Variants in CSRNP3 observed in about 807,000 individuals in gnomAD.
The protein encoded by CSRNP3 is cysteine and serine rich nuclear protein 3.
A neutral mutation model predicts 48.0 loss-of-function variants in CSRNP3; 12 were observed. That is an observed-to-expected ratio of 0.25 (90% CI 0.16 to 0.41). The LOEUF is 0.41. Ranked by LOEUF, CSRNP3 falls within the 10% of genes least tolerant of loss-of-function variation. The pLI, the probability that CSRNP3 is intolerant of heterozygous loss-of-function variation, is 1.00. For synonymous variants in CSRNP3, 263 were observed against 269.7 expected (o/e 0.98, Z 0.24); for missense variants, 580 against 724.4 (o/e 0.80, Z 2.29).
In CSRNP3 at chr2:165,479,490, T is replaced by C. The variant is rs140398657; in HGVS notation, c.-283+9750T>C. Among the ~76,000 whole-genome samples the C allele has an allele frequency of 1.6e-3, 238 of 152,338 alleles. 3 individuals are homozygous for C. Among genetic ancestry groups the C allele is most frequent in the African/African-American group, 5.4e-3 (226 of 41,578 alleles). ...AAATGGTATTATTAATAATAATGCC[T>C]ATCTTATATGGCTATGGAGATTAAA... On this transcript the variant is annotated intron_variant, in intron 1 of 6. Transcript: ENST00000651982.
intron 2 of CSRNP3, among the ~76,000 whole-genome samples, chr2:165,498,188 A>C (rs1468091786): frequency 6.6e-6 from 1 of 152,102 alleles, no homozygotes; most frequent in East Asian, 1.9e-4. Flanking sequence ...ATTTACATGA[A>C]GGAAATCGGT....
rs532893845 is a variant in CSRNP3, at chr2:165,504,105, T to G, written c.-113+9177T>G. Reference sequence around the variant, plus strand: ...TAATTTATTTAATTTCACATGAGTATCTAATTAATCTGGCAATGTATGTGC... The same window carrying G: ...TAATTTATTTAATTTCACATGAGTAGCTAATTAATCTGGCAATGTATGTGC... On this transcript the variant is annotated intron_variant, in intron 2 of 6. Transcript: ENST00000651982. Among the ~76,000 whole-genome samples the G allele has an allele frequency of 2.0e-5, 3 of 152,180 alleles. No homozygotes were observed. In the South Asian group the frequency reaches 6.2e-4, roughly 32 times the overall value.
At chr2:165,477,204 A>C (rs1239713176) in intron 1 of CSRNP3, among the ~76,000 whole-genome samples, 1 of 152,030 alleles carries the variant, frequency 6.6e-6, no homozygotes, top group African/African-American at 2.4e-5. Context: ...GATTTCATAA[A>C]AAATATTCTA....
chr2:165,651,889 C>A (rs1430099637), intron 4 of CSRNP3, among the ~76,000 whole-genome samples: 4 of 152,118 alleles, frequency 2.6e-5, no homozygotes, highest in Non-Finnish European at 5.9e-5. Context: ...CTCCCAACCT[C>A]AGGTGATCCG....
chr2:165,686,475 A>T lies in CSRNP3; in HGVS notation c.*6722A>T, dbSNP rs1169733599. 1 of 151,902 alleles carries T rather than the reference A, an allele frequency of 6.6e-6. No individual in the cohort carries two copies. Among genetic ancestry groups the T allele is most frequent in the East Asian group, 1.9e-4 (1 of 5,180 alleles). 9.4% of individuals were successfully genotyped at this position (151,902 alleles called of 1,614,324 possible). A position where few individuals can be genotyped will look rare whatever the true frequency, so the allele number is the denominator to read the frequency against. ...CTCTTTAAAACAAATTTAAAGATCT[A>T]TATACATTTTTGCAACTTTATTTAA... On this transcript the variant is annotated 3_prime_UTR_variant, in exon 7 of 7. Coordinates refer to ENST00000651982, the MANE Select transcript of CSRNP3 (RefSeq NM_001172173.2).
At chr2:165,611,827 C>A (rs1232500438) in intron 4 of CSRNP3, among the ~76,000 whole-genome samples, 1 of 152,110 alleles carries the variant, frequency 6.6e-6, no homozygotes, top group Admixed American at 6.5e-5. Context: ...TAATGCCTGT[C>A]TGTAGACGCT....
chr2:165,670,120 C>G (rs906631838), intron 5 of CSRNP3, among the ~76,000 whole-genome samples: 1 of 152,178 alleles, frequency 6.6e-6, no homozygotes, highest in Non-Finnish European at 1.5e-5. Flanking sequence ...GTATCATGCT[C>G]TGTCCTATCT....
chr2:165,644,829 C>T (rs1342198920), intron 4 of CSRNP3, among the ~76,000 whole-genome samples: 1 of 152,106 alleles, frequency 6.6e-6, no homozygotes. Flanking sequence ...TTGACTTAGT[C>T]CATTTTGGCT....
chr2:165,605,076 C>T (rs1239924177), intron 4 of CSRNP3, among the ~76,000 whole-genome samples: 8 of 152,302 alleles, frequency 5.3e-5, no homozygotes, highest in Non-Finnish European at 8.8e-5. Flanking sequence ...GCCTTCCAGA[C>T]GCCCTCTCTG....
chr2:165,534,864 T>C (rs977233661), intron 3 of CSRNP3, among the ~76,000 whole-genome samples: 3 of 151,774 alleles, frequency 2.0e-5, no homozygotes, highest in African/African-American at 7.2e-5. Context: ...GATGGGATTA[T>C]AGTGGGTTTC....
intron 3 of CSRNP3, among the ~76,000 whole-genome samples, chr2:165,524,312 C>G (rs1051866188): frequency 1.3e-5 from 2 of 151,890 alleles, no homozygotes; most frequent in African/African-American, 4.8e-5. Flanking sequence ...CTGTGCATTA[C>G]ACAATATTAA....
chr2:165,577,998 A>G (rs1364051139), intron 3 of CSRNP3, among the ~76,000 whole-genome samples: 1 of 152,090 alleles, frequency 6.6e-6, no homozygotes, highest in Non-Finnish European at 1.5e-5. Context: ...AAATAAATGA[A>G]AATTTTCTTT....
intron 5 of CSRNP3, among the ~76,000 whole-genome samples, chr2:165,659,068 GC>G (rs1687055958): frequency 6.6e-6 from 1 of 152,174 alleles, no homozygotes; most frequent in African/African-American, 2.4e-5. Flanking sequence ...ACTTCCTAAG[GC>G]CATCAAAAGT....
intron 2 of CSRNP3, among the ~76,000 whole-genome samples, chr2:165,514,179 A>G (rs1357897304): frequency 6.6e-6 from 1 of 152,246 alleles, no homozygotes; most frequent in Non-Finnish European, 1.5e-5. Context: ...ATTTTTTATA[A>G]TACCAGGAAT....
At chr2:165,611,620 A>G (rs1686139799) in intron 4 of CSRNP3, among the ~76,000 whole-genome samples, 3 of 152,074 alleles carry the variant, frequency 2.0e-5, no homozygotes, top group African/African-American at 7.2e-5. Flanking sequence ...TTACTCTTAC[A>G]CTTTACATAA....
intron 2 of CSRNP3, among the ~76,000 whole-genome samples, chr2:165,498,957 G>T (rs1684322215): frequency 6.6e-6 from 1 of 152,086 alleles, no homozygotes; most frequent in Non-Finnish European, 1.5e-5. Context: ...CTTCACATTA[G>T]TGATCAAAAC....
intron 4 of CSRNP3, among the ~76,000 whole-genome samples, chr2:165,622,460 A>G (rs1686356430): frequency 6.6e-6 from 1 of 152,208 alleles, no homozygotes; most frequent in African/African-American, 2.4e-5. Context: ...GTTTATGTTT[A>G]AGCATATTAT....
intron 3 of CSRNP3, among the ~76,000 whole-genome samples, chr2:165,518,292 C>A (rs72877711): frequency 0.18 from 26,844 of 151,758 alleles, 2,574 homozygotes; most frequent in Non-Finnish European, 0.2. Context: ...TATTTAGTGA[C>A]TTTTTCATTT....
At chr2:165,482,189 A>G (rs1335640560) in intron 1 of CSRNP3, among the ~76,000 whole-genome samples, 2 of 152,148 alleles carry the variant, frequency 1.3e-5, no homozygotes, top group African/African-American at 2.4e-5. Context: ...GATCCTATTC[A>G]GGATTCACCA....
Sources: allele counts gnomAD v4.1 joint callset (sites outside exome capture counted in the v4.1 genomes callset), GRCh38; gene constraint gnomAD v4.1.1; transcripts MANE v1.5; gene names NCBI Gene and HGNC (gene_info 2026-07-23, HGNC 2026-07-21).